The following PALM2AKAP2 variants were observed in gnomAD, a reference collection of about 807,000 sequenced individuals.
PALM2AKAP2 encodes the protein PALM2-AKAP2 fusion protein.
In PALM2AKAP2, 37 loss-of-function variants were observed where a neutral mutation model predicts 71.5. That is an observed-to-expected ratio of 0.52 (90% CI 0.40 to 0.68). The LOEUF is 0.68. Among genes scored for constraint, PALM2AKAP2 ranks in the 30% least tolerant of loss-of-function variants. The probability of loss-of-function intolerance (pLI) is 0.00; values close to 1 mark genes in which losing one functional copy is unlikely to be tolerated. For synonymous variants in PALM2AKAP2, 468 were observed against 478.8 expected, an observed-to-expected ratio of 0.98 and a Z score of 0.29; for missense variants, 1,224 against 1,191.8, an observed-to-expected ratio of 1.03 and a Z score of -0.40.
chr9:109,734,405 T>C (rs956917069), intron 1 of PALM2AKAP2, among the ~76,000 whole-genome samples: 5 of 152,198 alleles, frequency 3.3e-5, no homozygotes, highest in African/African-American at 9.7e-5. Context: ...ATAGGCACAT[T>C]TGTCAATTTA....
At chr9:110,049,607 C>G (rs1833669356) in intron 1 of PALM2AKAP2, among the ~76,000 whole-genome samples, 1 of 152,068 alleles carries the variant, frequency 6.6e-6, no homozygotes, top group South Asian at 2.1e-4. Flanking sequence ...GTGGGCCCTT[C>G]TTGGGGACAC....
At chr9:109,854,536 A>G (rs1829101019) in intron 1 of PALM2AKAP2, among the ~76,000 whole-genome samples, 1 of 152,200 alleles carries the variant, frequency 6.6e-6, no homozygotes, top group Admixed American at 6.5e-5. Context: ...GTGGGTTCAC[A>G]TAGAAATACT....
At chr9:109,845,955 G>A (rs149240462) in intron 1 of PALM2AKAP2, among the ~76,000 whole-genome samples, 459 of 152,316 alleles carry the variant, frequency 3.0e-3, no homozygotes, top group Non-Finnish European at 4.9e-3. Flanking sequence ...AGAAGGAGGA[G>A]ATGGATAAAA....
At chr9:109,980,618 A>G (rs1190754242) in intron 6 of PALM2AKAP2, among the ~76,000 whole-genome samples, 2 of 152,184 alleles carry the variant, frequency 1.3e-5, no homozygotes, top group Admixed American at 1.3e-4. Flanking sequence ...ATGCAGGCTC[A>G]TAGGTCTCAC....
At position 110,156,363 on chromosome 9, in the gene PALM2AKAP2, G is replaced by T. The variant is rs776661479; in HGVS notation, c.2614G>T (p.Gly872Cys). 6 of 1,609,358 alleles carry T rather than the reference G, an allele frequency of 3.7e-6. No homozygotes were observed. The South Asian group carries it at 6.7e-5, about 18-fold the overall frequency. ...ACCTCCTCCATCCCCCACCACTGAA[G>T]GCCCCAGCTTGCAGCCTGACTTAGC... Residue 872 changes from glycine (G) to cysteine (C), a missense_variant, in exon 3 of 4, where the codon GGC (glycine) becomes TGC (cysteine). Physicochemically the swap from Gly to Cys is radical, Grantham distance 159. Transcript: ENST00000374525.
intron 7 of PALM2AKAP2, among the ~76,000 whole-genome samples, chr9:110,017,337 T>C (rs1471122656): frequency 6.6e-6 from 1 of 152,268 alleles, no homozygotes; most frequent in African/African-American, 2.4e-5. Context: ...AAATGAAAGA[T>C]AGGATAGTAG....
Position 109,657,624 on chromosome 9 carries a change from C to T in PALM2AKAP2, c.5+16758C>T, listed in dbSNP as rs141500753. On this transcript the variant is annotated intron_variant, in intron 1 of 6. Coordinates refer to the PALM2AKAP2 transcript ENST00000374531. ...TAAACACATTTCTAGGAAACAGAAA[C>T]GGAAAGACAGGTTGATTGCCTTGAG... is the stretch of plus-strand genomic sequence containing the variant. 5.1e-3 allele frequency among the ~76,000 whole-genome samples: 779 copies of T among 152,002 alleles called. 9 individuals are homozygous for T. The highest frequency in any genetic ancestry group is 0.017 in the African/African-American group (718 of 41,450).
At chr9:110,100,070 T>A (rs1388340772) in intron 1 of PALM2AKAP2, among the ~76,000 whole-genome samples, 6 of 145,016 alleles carry the variant, frequency 4.1e-5, no homozygotes, top group Admixed American at 7.0e-5. Flanking sequence ...TATATATATA[T>A]ATATATATAT....
At chr9:110,132,066 T>C (rs1835747583) in intron 1 of PALM2AKAP2, among the ~76,000 whole-genome samples, 1 of 128,060 alleles carries the variant, frequency 7.8e-6, no homozygotes, top group African/African-American at 2.9e-5. Context: ...TGTGTGTGTG[T>C]GTGTGATGGA....
chr9:109,741,677 T>C (rs1220114282), intron 1 of PALM2AKAP2, among the ~76,000 whole-genome samples: 2 of 152,234 alleles, frequency 1.3e-5, no homozygotes, highest in Non-Finnish European at 2.9e-5. Context: ...CAGTGTTCTG[T>C]GTAAGAAATA....
intron 3 of PALM2AKAP2, among the ~76,000 whole-genome samples, chr9:109,901,204 C>T (rs1830323889): frequency 6.6e-6 from 1 of 152,180 alleles, no homozygotes; most frequent in African/African-American, 2.4e-5. Context: ...GAAACTGTGA[C>T]CACCTAGGAG....
intron 1 of PALM2AKAP2, among the ~76,000 whole-genome samples, chr9:109,692,212 G>C (rs1335057038): frequency 6.6e-6 from 1 of 151,006 alleles, no homozygotes; most frequent in African/African-American, 2.4e-5. Context: ...AAATTTTATT[G>C]TAAATTTCAA....
At chr9:109,801,529 T>C (rs1827429005) in intron 1 of PALM2AKAP2, among the ~76,000 whole-genome samples, 1 of 152,118 alleles carries the variant, frequency 6.6e-6, no homozygotes, top group Non-Finnish European at 1.5e-5. Context: ...TTCAAAAAAA[T>C]AAATAGCAAA....
At position 110,118,107 on chromosome 9, in the gene PALM2AKAP2, C is replaced by G. The variant is rs913267091; in HGVS notation, c.157-18020C>G. On this transcript the variant is annotated intron_variant, in intron 1 of 3. Transcript: ENST00000374525. ...ATCTCCAATGCCACAATGTTTGCAA[C>G]AATAAAAGACTAGAAATAACCTAAA... Among the ~76,000 whole-genome samples the G allele has an allele frequency of 2.0e-5, 3 of 148,522 alleles. No individual in the cohort carries two copies. The Admixed American group carries it at 2.0e-4, about 10-fold the overall frequency.
At chr9:110,132,030 AGCGTGT>A (rs993356301) in intron 1 of PALM2AKAP2, among the ~76,000 whole-genome samples, 14 of 80,862 alleles carry the variant, frequency 1.7e-4, no homozygotes, top group Admixed American at 1.5e-3. Context: ...ACAAGTAACT[AGCGTGT>A]GTGTGTGTGT....
Position 109,891,167 on chromosome 9 carries a change from A to G in PALM2AKAP2, c.257+10486A>G, listed in dbSNP as rs1830079872. ...TCAGGCATCTTTAAAGACCGGTAGC[A>G]TTCAGGGCCATTGCTGGGCCACATG... On this transcript the variant is annotated intron_variant, in intron 3 of 9. Transcript: ENST00000302798. 2.0e-5 allele frequency among the ~76,000 whole-genome samples: 3 copies of G among 152,208 alleles called. No homozygotes were observed. The South Asian group carries it at 6.2e-4, about 31-fold the overall frequency.
intron 1 of PALM2AKAP2, among the ~76,000 whole-genome samples, chr9:109,753,511 C>G (rs371277237): frequency 3.8e-4 from 58 of 152,160 alleles, no homozygotes; most frequent in Admixed American, 3.9e-4. Flanking sequence ...TTTCTGCGCC[C>G]TTGGGCTTTC....
chr9:109,791,753 T>G (rs7039313), intron 1 of PALM2AKAP2, among the ~76,000 whole-genome samples: 1 of 151,928 alleles, frequency 6.6e-6, no homozygotes, highest in Non-Finnish European at 1.5e-5. Context: ...GGACAGAGAG[T>G]GCTCAACTCC....
intron 1 of PALM2AKAP2, among the ~76,000 whole-genome samples, chr9:109,657,964 G>GTGTGTGTT (rs1256732093): frequency 2.0e-5 from 3 of 151,804 alleles, no homozygotes; most frequent in African/African-American, 7.3e-5. Context: ...GTGTGTGTGT[G>GTGTGTGTT]TGTGTGTGTG....
Sources: allele counts gnomAD v4.1 joint callset (sites outside exome capture counted in the v4.1 genomes callset), GRCh38; gene constraint gnomAD v4.1.1; transcripts MANE v1.5; gene names NCBI Gene and HGNC (gene_info 2026-07-23, HGNC 2026-07-21).